Variants in MGAM2 observed in about 807,000 individuals in gnomAD.
MGAM2 encodes maltase-glucoamylase 2 (putative), also known as probable maltase-glucoamylase 2.
Under a neutral mutation model 96.1 loss-of-function variants are expected in MGAM2, and 98 were observed. The ratio of observed to expected loss-of-function variants is 1.02; its 90% CI spans 0.87 to 1.21. The LOEUF is 1.21. Ranked by LOEUF, MGAM2 falls within the 50% of genes most tolerant of loss-of-function variation. The pLI, the probability that MGAM2 is intolerant of heterozygous loss-of-function variation, is 0.00. For synonymous variants in MGAM2, 749 were observed against 414.8 expected (o/e 1.81, Z -9.79); for missense variants, 2,055 against 1,182.4 (o/e 1.74, Z -10.82).
At chr7:142,199,764 G>T in intron 44 of MGAM2, 116 bp from the exon 45 acceptor site, 1 of 462,970 alleles carries the variant, frequency 2.2e-6, no homozygotes, top group South Asian at 4.7e-5. Flanking sequence ...AACTTTATAT[G>T]CATATTTAAT....
rs75390524 is a variant in MGAM2 at position 142,157,210 on chromosome 7, AT to A, written c.1924-718del. 4.4e-4 allele frequency among the ~76,000 whole-genome samples: 66 copies of A among 151,590 alleles called. No homozygotes were observed. In the East Asian group the frequency reaches 7.8e-3, roughly 18 times the overall value. ...GGCAATGTGGCTTATAAGGCAATGG[AT>A]TTTTTTTTAGTAGTAGTACAACTTA... On this transcript the variant is annotated intron_variant, in intron 17 of 47. Transcript: ENST00000477922.
chr7:142,202,240 G>A (rs922678500), intron 45 of MGAM2, among the ~76,000 whole-genome samples: 54 of 152,272 alleles, frequency 3.5e-4, no homozygotes, highest in African/African-American at 1.3e-3. Context: ...ATCCATAGGC[G>A]GTTGGTTCCA....
intron 7 of MGAM2, among the ~76,000 whole-genome samples, chr7:142,136,252 T>G (rs1268701302): frequency 1.3e-5 from 2 of 152,194 alleles, no homozygotes; most frequent in African/African-American, 4.8e-5. Flanking sequence ...TATATGGTTG[T>G]TTGTGTCTGT....
chr7:142,160,787 G>T (rs901446801), intron 21 of MGAM2, among the ~76,000 whole-genome samples: 7 of 151,896 alleles, frequency 4.6e-5, no homozygotes, highest in African/African-American at 1.7e-4. Context: ...TATTATGAGG[G>T]TTAAATGAAT....
In MGAM2 at chr7:142,170,764, C is replaced by G. The variant is rs564164185; in HGVS notation, c.3183-508C>G. Among the ~76,000 whole-genome samples, 5 of 152,256 alleles carry G rather than the reference C, an allele frequency of 3.3e-5. No homozygotes were observed. In the South Asian group the frequency reaches 8.3e-4, roughly 25 times the overall value. ...TCTGGATTTTGCCTGGGGTGAGGTT[C>G]CCTATCCCAGTAGAAGCTGTCACCT... On this transcript the variant is annotated intron_variant, in intron 27 of 47. Transcript: ENST00000477922.
intron 1 of MGAM2, among the ~76,000 whole-genome samples, chr7:142,114,153 GGAAAGAAA>G (rs772126693): frequency 0.031 from 2,675 of 87,012 alleles, 87 homozygotes; most frequent in South Asian, 0.045. Flanking sequence ...AAAGAAAGAA[GGAAAGAAA>G]GAAAGAAAGA....
At chr7:142,140,576 C>T (rs1041567697) in intron 10 of MGAM2, among the ~76,000 whole-genome samples, 1 of 152,198 alleles carries the variant, frequency 6.6e-6, no homozygotes, top group South Asian at 2.1e-4. Context: ...CCTCCCAATA[C>T]CTTATGACAT....
chr7:142,161,046 C>A (rs1585174982), intron 21 of MGAM2, 79 bp from the exon 22 acceptor site: 1 of 676,970 alleles, frequency 1.5e-6, no homozygotes, highest in East Asian at 2.7e-5. Context: ...ATTATCTGTC[C>A]CTGGGGGATG....
rs1234231562 is a variant in MGAM2 at position 142,136,609 on chromosome 7, T to C, written c.816T>C (p.Phe272=). The C allele has an allele frequency of 4.3e-6, 3 of 702,614 alleles. No individual in the cohort carries two copies. The highest frequency in any genetic ancestry group is 7.8e-6 in the Non-Finnish European group (3 of 384,540). 43.5% of individuals were successfully genotyped at this position (702,614 alleles called of 1,614,324 possible). Residue 272 remains phenylalanine, a synonymous_variant, in exon 8 of 48, where the codon TTT becomes TTC. Transcript: ENST00000477922. ...TTGAAGATGCCAGGGGCTCCTCTTT[T>C]GGAGTATTTCTGATGAACAGTAATG... ...LCLEDARGSS[F]GVFLMNSNAM... is the part of the protein sequence containing the mutation.
At chr7:142,200,954 T>C (rs1245540378) in intron 45 of MGAM2, among the ~76,000 whole-genome samples, 1 of 142,690 alleles carries the variant, frequency 7.0e-6, no homozygotes, top group Non-Finnish European at 1.5e-5. Flanking sequence ...GACAGAAACA[T>C]GTGTGAATGT....
chr7:142,123,929 T>C (rs1022406014), intron 3 of MGAM2, among the ~76,000 whole-genome samples: 1 of 151,858 alleles, frequency 6.6e-6, no homozygotes, highest in Non-Finnish European at 1.5e-5. Flanking sequence ...ATAGTACTGA[T>C]TTTTGTATAT....
chr7:142,194,687 CATGTGTGTATGT>C (rs67071231), intron 37 of MGAM2, among the ~76,000 whole-genome samples: 73 of 118,224 alleles, frequency 6.2e-4, no homozygotes, highest in Non-Finnish European at 8.8e-4. Flanking sequence ...TTTAATAGAA[CATGTGTGTATGT>C]GTGTGTGTGT....
chr7:142,218,749 G>A lies in MGAM2; in HGVS notation c.5358+218G>A, dbSNP rs752484320. Among the ~76,000 whole-genome samples, 31 of 152,266 alleles carry A rather than the reference G, an allele frequency of 2.0e-4. No homozygotes were observed. The Middle Eastern group carries it at 0.01, about 50-fold the overall frequency. On this transcript the variant is annotated intron_variant, in intron 47 of 47. Transcript: ENST00000477922. Reference sequence around the variant, plus strand: ...ATGGTCTTTCCAGTATGGCCTAGGGGTCAGTGATCACTGGCCTGATGAGAT... The same window carrying A: ...ATGGTCTTTCCAGTATGGCCTAGGGATCAGTGATCACTGGCCTGATGAGAT...
intron 37 of MGAM2, 129 bp from the exon 38 acceptor site, chr7:142,196,025 A>C: frequency 4.6e-6 from 3 of 655,590 alleles, no homozygotes; most frequent in Admixed American, 2.2e-5. Flanking sequence ...TTGAGACAGC[A>C]GATTCTTTCA....
chr7:142,154,145 T>G lies in MGAM2; in HGVS notation c.1762T>G (p.Ser588Ala). ...GGCCACATGGGATGACCTCCGATGG[T>G]CTATCCCCACTATCCTTGAGTTCAA... ...NAATWDDLRW[S>A]IPTILEFNLF... Residue 588 changes from serine to alanine, a missense_variant, in exon 16 of 48, where the codon TCT (serine) becomes GCT (alanine). Ser to Ala is a moderately conservative substitution (Grantham distance 99). Transcript: ENST00000477922. 1.5e-6 allele frequency: 1 copy of G among 676,824 alleles called. No individual in the cohort carries two copies. The highest frequency in any genetic ancestry group is 2.7e-6 in the Non-Finnish European group (1 of 366,214). The allele number at this position is 676,824 out of a possible 1,614,324, so 41.9% of individuals were successfully genotyped here. A position where few individuals can be genotyped will look rare whatever the true frequency, so the allele number is the denominator to read the frequency against.
intron 46 of MGAM2, 38 bp downstream of exon 46, chr7:142,208,660 A>C: frequency 1.4e-6 from 1 of 698,844 alleles, no homozygotes; most frequent in African/African-American, 1.8e-5. Flanking sequence ...ATCTTTTCCC[A>C]GGTGTCTACA....
At position 142,172,099 on chromosome 7, in the gene MGAM2, A is replaced by G. The variant is rs2129090757; in HGVS notation, c.3353A>G (p.Tyr1118Cys). Reference sequence around the variant, plus strand: ...GTTTATTACCCTCGTGACTCCCAGTACAAGAAGAATTCCTATGGTGTCCAC... The same window carrying G: ...GTTTATTACCCTCGTGACTCCCAGTGCAAGAAGAATTCCTATGGTGTCCAC... Reference protein sequence around the residue: ...GMFAHDEPPAYKKNSYGVHPY... With the variant: ...GMFAHDEPPACKKNSYGVHPY... Residue 1118 changes from tyrosine (Y) to cysteine (C), a missense_variant and splice_region_variant, in exon 29 of 48, where the codon TAC becomes TGC. Transcript: ENST00000477922. 1 of 726,222 alleles carries G rather than the reference A, an allele frequency of 1.4e-6. No individual in the cohort carries two copies. The highest frequency in any genetic ancestry group is 1.5e-5 in the South Asian group (1 of 68,168). The allele number at this position is 726,222 out of a possible 1,614,324, so 45.0% of individuals were successfully genotyped here.
intron 37 of MGAM2, among the ~76,000 whole-genome samples, chr7:142,193,068 A>G (rs1226429944): frequency 6.6e-6 from 1 of 152,064 alleles, no homozygotes; most frequent in African/African-American, 2.4e-5. Context: ...TCCTCCTCCA[A>G]CCATCATCTA....
Position 142,133,900 on chromosome 7 carries a change from A to C in MGAM2, c.576-81A>C, listed in dbSNP as rs1162835266. 9 of 608,602 alleles carry C rather than the reference A, an allele frequency of 1.5e-5. No homozygotes were observed. The Admixed American group carries it at 2.2e-4, about 15-fold the overall frequency. 37.7% of individuals were successfully genotyped at this position (608,602 alleles called of 1,614,324 possible). A position where few individuals can be genotyped will look rare whatever the true frequency, so the allele number is the denominator to read the frequency against. On this transcript the variant is annotated intron_variant, in intron 6 of 47. Coordinates refer to ENST00000477922, the MANE Select transcript of MGAM2 (RefSeq NM_001293626.2). ...CCTGAAACAACAGAGGTCTAAGTGT[A>C]TGTGGAAAGGAGAAGATAGCTTCCT... is the stretch of plus-strand genomic sequence containing the variant.
Sources: gnomAD v4.1 joint callset for allele counts (sites outside exome capture counted in the v4.1 genomes callset) on GRCh38, gnomAD v4.1.1 for gene constraint, MANE v1.5 for transcripts, NCBI Gene and HGNC (gene_info 2026-07-23, HGNC 2026-07-21) for gene names.